The following ARHGAP24 variants were observed in gnomAD, a reference collection of about 807,000 sequenced individuals.
The protein encoded by ARHGAP24 is Rho GTPase activating protein 24.
ARHGAP24 carries 50 observed loss-of-function variants against 76.4 expected under a neutral mutation model. The observed-to-expected ratio is 0.65, with a 90% CI of 0.52 to 0.83. The LOEUF (loss-of-function observed/expected upper bound fraction) is 0.83. Ranked by LOEUF, ARHGAP24 falls within the 40% of genes least tolerant of loss-of-function variation. The pLI is 0.00. For synonymous variants in ARHGAP24, 345 were observed against 323.3 expected (o/e 1.07, Z -0.72); for missense variants, 930 against 914.2 (o/e 1.02, Z -0.22).
At chr4:85,928,021 A>T (rs1238934245) in intron 4 of ARHGAP24, among the ~76,000 whole-genome samples, 1 of 152,188 alleles carries the variant, frequency 6.6e-6, no homozygotes, top group African/African-American at 2.4e-5. Context: ...AAATACTCAT[A>T]TGGGGCAGGG....
At chr4:85,598,851 T>C (rs1350063268) in intron 2 of ARHGAP24, among the ~76,000 whole-genome samples, 2 of 151,322 alleles carry the variant, frequency 1.3e-5, no homozygotes, top group African/African-American at 4.8e-5. Context: ...GGTCATAACT[T>C]TGAGCCCTAT....
chr4:85,539,191 T>C (rs1225313914), intron 1 of ARHGAP24, among the ~76,000 whole-genome samples: 1 of 152,160 alleles, frequency 6.6e-6, no homozygotes, highest in Non-Finnish European at 1.5e-5. Context: ...AGCTACAAGA[T>C]GGTATTTTTG....
chr4:85,629,524 G>A (rs1212088787), intron 2 of ARHGAP24, among the ~76,000 whole-genome samples: 1 of 152,050 alleles, frequency 6.6e-6, no homozygotes, highest in East Asian at 1.9e-4. Flanking sequence ...AACATTTCTT[G>A]TGAGACTGGT....
intron 1 of ARHGAP24, 79 bp downstream of exon 1, chr4:85,475,638 GC>G (rs1722550885): frequency 5.6e-5 from 2 of 35,534 alleles, no homozygotes; most frequent in African/African-American, 1.5e-4. Context: ...AGGGGAGGGG[GC>G]TGCGGGGGGC....
intron 2 of ARHGAP24, among the ~76,000 whole-genome samples, chr4:85,581,912 G>T (rs1383817325): frequency 1.3e-5 from 2 of 152,044 alleles, no homozygotes; most frequent in Non-Finnish European, 2.9e-5. Context: ...GCGTTACCTT[G>T]TATTAGTCCC....
intron 2 of ARHGAP24, among the ~76,000 whole-genome samples, chr4:85,704,386 C>A (rs1197589637): frequency 2.6e-5 from 4 of 152,032 alleles, no homozygotes; most frequent in Admixed American, 6.6e-5. Flanking sequence ...TGGCATCAAA[C>A]CCCTTATTTA....
chr4:85,822,074 C>G (rs1050067183), intron 3 of ARHGAP24, among the ~76,000 whole-genome samples: 1 of 152,102 alleles, frequency 6.6e-6, no homozygotes, highest in African/African-American at 2.4e-5. Context: ...AAGAATAAAT[C>G]CCTTTCCTTT....
chr4:85,641,883 G>A (rs1374987835), intron 2 of ARHGAP24, among the ~76,000 whole-genome samples: 1 of 152,108 alleles, frequency 6.6e-6, no homozygotes, highest in Non-Finnish European at 1.5e-5. Context: ...CTGTCCTCTT[G>A]GGCCTTTTAT....
intron 3 of ARHGAP24, among the ~76,000 whole-genome samples, chr4:85,889,553 A>G (rs1486627716): frequency 3.3e-5 from 5 of 152,232 alleles, no homozygotes; most frequent in African/African-American, 9.6e-5. Context: ...ATATTAGTAT[A>G]CAAGGCGATT....
At chr4:85,679,027 A>G (rs541935046) in intron 2 of ARHGAP24, among the ~76,000 whole-genome samples, 3 of 152,328 alleles carry the variant, frequency 2.0e-5, no homozygotes, top group African/African-American at 7.2e-5. Flanking sequence ...CGCAAAATAT[A>G]AGAACTCAAA....
intron 3 of ARHGAP24, among the ~76,000 whole-genome samples, chr4:85,729,830 C>G (rs951612647): frequency 6.6e-6 from 1 of 152,024 alleles, no homozygotes; most frequent in African/African-American, 2.4e-5. Flanking sequence ...TTTTTTCCAA[C>G]CACTTAAAAA....
chr4:85,478,229 A>T (rs2110085719), intron 1 of ARHGAP24, among the ~76,000 whole-genome samples: 1 of 152,338 alleles, frequency 6.6e-6, no homozygotes, highest in East Asian at 1.9e-4. Context: ...AGCCATGGCT[A>T]AAGGACTAAG....
chr4:85,958,396 T>C (rs955829358), intron 5 of ARHGAP24, among the ~76,000 whole-genome samples: 1 of 152,178 alleles, frequency 6.6e-6, no homozygotes, highest in East Asian at 1.9e-4. Flanking sequence ...TATTGATGAT[T>C]GTCACTAACA....
chr4:85,616,038 A>C lies in ARHGAP24; in HGVS notation c.180+45317A>C, dbSNP rs141594330. On this transcript the variant is annotated intron_variant, in intron 2 of 9. Coordinates refer to ENST00000395184, the MANE Select transcript of ARHGAP24 (RefSeq NM_001025616.3). ...TGCTGGAAGATGGCATATTTTAATT[A>C]TATGCCTCAAAGCAGATCAGACACT... is the stretch of plus-strand genomic sequence containing the variant. 1.5e-3 allele frequency among the ~76,000 whole-genome samples: 234 copies of C among 152,340 alleles called. 1 individual carries two copies. The highest frequency in any genetic ancestry group is 5.3e-3 in the African/African-American group (221 of 41,582).
chr4:85,841,498 G>A (rs901536939), intron 3 of ARHGAP24, among the ~76,000 whole-genome samples: 1 of 152,232 alleles, frequency 6.6e-6, no homozygotes, highest in Non-Finnish European at 1.5e-5. Context: ...ACTTAGAATA[G>A]TTTCTGGCTT....
rs1316967734 is a variant in ARHGAP24 at position 85,859,023 on chromosome 4, T to C, written c.269-64625T>C. On this transcript the variant is annotated intron_variant, in intron 3 of 9. Coordinates refer to ENST00000395184, the MANE Select transcript of ARHGAP24 (RefSeq NM_001025616.3). ...TATAATGCACATCCTCCTGCCATTATCTGCTTTTGGGTCTTAGGCAAAGGC... is the reference window on the plus strand; with the variant it reads ...TATAATGCACATCCTCCTGCCATTACCTGCTTTTGGGTCTTAGGCAAAGGC... 2.0e-5 allele frequency among the ~76,000 whole-genome samples: 3 copies of C among 152,118 alleles called. No individual in the cohort carries two copies. In the East Asian group the frequency reaches 5.8e-4, roughly 29 times the overall value.
intron 2 of ARHGAP24, among the ~76,000 whole-genome samples, chr4:85,655,792 TAGAGAGAGAGAGAGAGAGAGAG>T (rs1248907720): frequency 2.7e-5 from 1 of 37,668 alleles, no homozygotes; most frequent in Non-Finnish European, 4.1e-5. Context: ...TATATATATA[TAGAGAGAGAGAGAGAGAGAGAG>T]AGAAAGAGAG....
At position 85,518,201 on chromosome 4, in the gene ARHGAP24, T is replaced by C. The variant is rs138654349; in HGVS notation, c.-21+42642T>C. 7.1e-4 allele frequency among the ~76,000 whole-genome samples: 108 copies of C among 152,264 alleles called. 1 individual carries two copies. The highest frequency in any genetic ancestry group is 2.4e-3 in the African/African-American group (99 of 41,566). ...AATATGTAAGGTGTTTTTGGAGGCATTTCCAGCTCAGATAATTAAATATGA... is the reference window on the plus strand; with the variant it reads ...AATATGTAAGGTGTTTTTGGAGGCACTTCCAGCTCAGATAATTAAATATGA... On this transcript the variant is annotated intron_variant, in intron 1 of 9. Coordinates refer to ENST00000395184, the MANE Select transcript of ARHGAP24 (RefSeq NM_001025616.3).
At position 85,616,777 on chromosome 4, in the gene ARHGAP24, G is replaced by A. The variant is rs180855652; in HGVS notation, c.180+46056G>A. Among the ~76,000 whole-genome samples the A allele has an allele frequency of 4.3e-3, 652 of 152,010 alleles. 3 individuals carry two copies. The highest frequency in any genetic ancestry group is 7.2e-3 in the Non-Finnish European group (491 of 67,960). On this transcript the variant is annotated intron_variant, in intron 2 of 9. Transcript: ENST00000395184. ...CAAGTAGCTGGGATTACAGGGGTGC[G>A]CCACCATGCCTGGCTAATTTTTGTA...
Sources: gnomAD v4.1 joint callset for allele counts (sites outside exome capture counted in the v4.1 genomes callset) on GRCh38, gnomAD v4.1.1 for gene constraint, MANE v1.5 for transcripts, NCBI Gene and HGNC (gene_info 2026-07-23, HGNC 2026-07-21) for gene names.